The following WDR76 variants were observed in gnomAD, a reference collection of about 807,000 sequenced individuals.
WDR76 encodes the protein WD repeat domain 76.
A neutral mutation model predicts 70.2 loss-of-function variants in WDR76; 52 were observed. The observed-to-expected ratio is 0.74, with a 90% CI of 0.59 to 0.93. The LOEUF (loss-of-function observed/expected upper bound fraction) is 0.93, where lower values mean the gene tolerates loss of function less well. Ranked by LOEUF, WDR76 falls within the 40% of genes least tolerant of loss-of-function variation. The pLI is 0.00. For synonymous variants in WDR76, 292 were observed against 271.1 expected, an observed-to-expected ratio of 1.08 and a Z score of -0.76; for missense variants, 756 against 760.2, an observed-to-expected ratio of 0.99 and a Z score of 0.07.
At chr15:43,841,485 C>T (rs1426616265) in intron 5 of WDR76, among the ~76,000 whole-genome samples, 1 of 151,984 alleles carries the variant, frequency 6.6e-6, no homozygotes, top group Non-Finnish European at 1.5e-5. Context: ...TGAGCCACCG[C>T]ACCCGGCCCA....
intron 3 of WDR76, among the ~76,000 whole-genome samples, chr15:43,835,553 T>A (rs1289421921): frequency 6.6e-6 from 1 of 151,890 alleles, no homozygotes; most frequent in African/African-American, 2.4e-5. Context: ...CAATAACATA[T>A]CAGGTTTCAT....
rs2141718785 is a variant in WDR76, at chr15:43,827,990, A to G, written c.86A>G (p.Asn29Ser). ...GTAAATGAATATAAAGAAAATCAAA[A>G]CATCGCTTATGTGTCTCTGAGACCA... ...MKVNEYKENQ[N>S]IAYVSLRPAQ... is the part of the protein sequence containing the mutation. The change falls in exon 2 of 13, where the codon AAC becomes AGC. Residue 29 changes from asparagine (N) to serine (S), a missense_variant. Physicochemically the swap from Asn to Ser is conservative, Grantham distance 46 (BLOSUM62 1). Coordinates refer to ENST00000263795, the MANE Select transcript of WDR76 (RefSeq NM_024908.4). The G allele has an allele frequency of 6.2e-7, 1 of 1,604,858 alleles. No homozygotes were observed. The highest frequency in any genetic ancestry group is 8.5e-7 in the Non-Finnish European group (1 of 1,177,680).
At chr15:43,842,367 A>AT (rs770016152) in intron 5 of WDR76, 48 bp from the exon 6 acceptor site, 1 of 1,559,320 alleles carries the variant, frequency 6.4e-7, no homozygotes, top group African/African-American at 1.4e-5. Flanking sequence ...TTGTGTTTAT[A>AT]TTCTAGGGCA....
At chr15:43,828,445 A>C (rs1358711755) in intron 2 of WDR76, 79 bp downstream of exon 2, 1 of 1,343,750 alleles carries the variant, frequency 7.4e-7, no homozygotes, top group Non-Finnish European at 1.0e-6. Flanking sequence ...TTTTTCGAGG[A>C]TCTCTCTGGT....
chr15:43,864,612 T>A (rs887460523), intron 12 of WDR76, among the ~76,000 whole-genome samples: 1 of 151,724 alleles, frequency 6.6e-6, no homozygotes, highest in Non-Finnish European at 1.5e-5. Flanking sequence ...TTTTTTTTTT[T>A]AAACGGAGTC....
intron 8 of WDR76, among the ~76,000 whole-genome samples, chr15:43,845,250 G>A (rs1020992241): frequency 2.0e-5 from 3 of 149,908 alleles, no homozygotes; most frequent in Non-Finnish European, 4.5e-5. Context: ...CGCCCAGCCC[G>A]AAGTTTAGTT....
intron 9 of WDR76, among the ~76,000 whole-genome samples, chr15:43,854,682 C>T (rs1202256296): frequency 6.6e-6 from 1 of 152,166 alleles, no homozygotes; most frequent in African/African-American, 2.4e-5. Context: ...GGCGCAGTGG[C>T]TCACGCCTGT....
At position 43,843,993 on chromosome 15, in the gene WDR76, C is replaced by A. The variant is rs761426680; in HGVS notation, c.971C>A (p.Ser324Ter). The A allele has an allele frequency of 1.2e-6, 2 of 1,613,986 alleles. No homozygotes were observed. The highest frequency in any genetic ancestry group is 1.7e-6 in the Non-Finnish European group (2 of 1,179,950). ...ATATTCTCTATGGCTCTCCATCCAT[C>A]AGAAACTAGAACTTTGGTAGCAGTT... Reference protein sequence around the residue: ...GPIFSMALHPSETRTLVAVGA... With the variant: ...GPIFSMALHP The change falls in exon 8 of 13, where the codon TCA (serine) becomes TAA (stop). Residue 324 changes from serine to a stop codon, truncating the protein, a stop_gained. Transcript: ENST00000263795. LOFTEE classifies it high-confidence loss of function.
At chr15:43,844,647 C>T (rs375632554) in intron 8 of WDR76, among the ~76,000 whole-genome samples, 10 of 151,206 alleles carry the variant, frequency 6.6e-5, no homozygotes, top group East Asian at 3.9e-4. Context: ...CGGTGGCTCA[C>T]GCCTGTAATC....
rs776983344 is a variant in WDR76 at position 43,828,322 on chromosome 15, A to G, written c.418A>G (p.Ser140Gly). ...GATGAATCTCAGTGTTGATGTGGAA[A>G]GTAGTCAGGATGGAGACAGTGATGA... ...DAMNLSVDVE[S>G]SQDGDSDEDT... The change falls in exon 2 of 13, where the codon AGT becomes GGT. Residue 140 changes from serine to glycine, a missense_variant. Ser to Gly is a moderately conservative substitution (Grantham distance 56). Coordinates refer to ENST00000263795, the MANE Select transcript of WDR76 (RefSeq NM_024908.4). 1.8e-5 allele frequency: 29 copies of G among 1,613,920 alleles called. No homozygotes were observed. In the Admixed American group the frequency reaches 4.0e-4, roughly 22 times the overall value.
At chr15:43,833,856 T>A (rs1002068304) in intron 2 of WDR76, among the ~76,000 whole-genome samples, 1 of 150,436 alleles carries the variant, frequency 6.6e-6, no homozygotes, top group Non-Finnish European at 1.5e-5. Context: ...AGGATGGTCC[T>A]GATTTCCTGA....
chr15:43,866,071 C>T, intron 12 of WDR76, 57 bp from the exon 13 acceptor site: 1 of 1,587,460 alleles, frequency 6.3e-7, no homozygotes, highest in Non-Finnish European at 8.6e-7. Flanking sequence ...ACCCTCTGCC[C>T]AATGCTACCT....
At chr15:43,856,006 T>C (rs976073246) in intron 9 of WDR76, among the ~76,000 whole-genome samples, 2 of 152,230 alleles carry the variant, frequency 1.3e-5, no homozygotes, top group African/African-American at 4.8e-5. Context: ...CATATAGTTA[T>C]ACATTTTTTT....
chr15:43,828,739 C>A (rs2141719425), intron 2 of WDR76, among the ~76,000 whole-genome samples: 1 of 152,140 alleles, frequency 6.6e-6, no homozygotes, highest in East Asian at 1.9e-4. Context: ...ATTGACTGAC[C>A]TTTGATATCA....
chr15:43,841,496 C>T (rs1411421520), intron 5 of WDR76, among the ~76,000 whole-genome samples: 2 of 152,018 alleles, frequency 1.3e-5, no homozygotes, highest in African/African-American at 2.4e-5. Context: ...ACCCGGCCCA[C>T]GCATGGCTAA....
At chr15:43,844,926 TAAAAAAAAAAAAA>T (rs1163275078) in intron 8 of WDR76, among the ~76,000 whole-genome samples, 1 of 15,528 alleles carries the variant, frequency 6.4e-5, no homozygotes, top group Non-Finnish European at 1.1e-4. Context: ...AGACTCTGTG[TAAAAAAAAAAAAA>T]AAAAAAAAAA....
At chr15:43,849,224 C>CA (rs1161298212) in intron 8 of WDR76, among the ~76,000 whole-genome samples, 1 of 149,732 alleles carries the variant, frequency 6.7e-6, no homozygotes, top group Non-Finnish European at 1.5e-5. Context: ...ATAATATTCT[C>CA]AAATCAATAT....
chr15:43,837,047 A>C (rs1184072789), intron 4 of WDR76, among the ~76,000 whole-genome samples: 2 of 151,650 alleles, frequency 1.3e-5, no homozygotes, highest in African/African-American at 4.9e-5. Context: ...TCTCACAAAA[A>C]AAAAAAAAAC....
chr15:43,866,396 T>A lies in WDR76; in HGVS notation c.*4T>A, dbSNP rs1211991306. On this transcript the variant is annotated 3_prime_UTR_variant, in exon 13 of 13. Transcript: ENST00000263795. The stretch of plus-strand genomic sequence containing the variant: ...TATGAATGAAAAAAGCTGCTGAGTT[T>A]TTGGTTTAGGAACATCAATTTGTTC... The A allele has an allele frequency of 6.2e-7, 1 of 1,613,270 alleles. No homozygotes were observed. Among genetic ancestry groups the A allele is most frequent in the East Asian group, 2.2e-5 (1 of 44,876 alleles).
Sources: gnomAD v4.1 joint callset for allele counts (sites outside exome capture counted in the v4.1 genomes callset) on GRCh38, gnomAD v4.1.1 for gene constraint, MANE v1.5 for transcripts, NCBI Gene and HGNC (gene_info 2026-07-23, HGNC 2026-07-21) for gene names.